The following C10orf88 variants were observed in gnomAD, a reference collection of about 807,000 sequenced individuals.
The protein encoded by C10orf88 is chromosome 10 open reading frame 88, also known as ATPase PAAT.
C10orf88 carries 29 observed loss-of-function variants against 34.2 expected under a neutral mutation model. The ratio of observed to expected loss-of-function variants is 0.85; its 90% CI spans 0.63 to 1.16. The LOEUF is 1.16. Among genes scored for constraint, C10orf88 ranks in the 50% most tolerant of loss-of-function variants. The probability of loss-of-function intolerance (pLI) is 0.00; values close to 1 mark genes in which losing one functional copy is unlikely to be tolerated. For missense variants in C10orf88, 507 were observed against 533.2 expected, an observed-to-expected ratio of 0.95 and a Z score of 0.48; for synonymous variants, 194 against 197.4, an observed-to-expected ratio of 0.98 and a Z score of 0.15.
At chr10:122,949,248 C>A (rs898308070) in intron 3 of C10orf88, among the ~76,000 whole-genome samples, 3 of 152,128 alleles carry the variant, frequency 2.0e-5, no homozygotes, top group African/African-American at 7.2e-5. Flanking sequence ...CCTATACATA[C>A]ATACCTATGA....
intron 4 of C10orf88, among the ~76,000 whole-genome samples, chr10:122,939,438 A>G (rs1271556282): frequency 6.6e-6 from 1 of 151,918 alleles, no homozygotes; most frequent in Non-Finnish European, 1.5e-5. Flanking sequence ...ATAAAGTGAG[A>G]AAGGAGAATA....
intron 3 of C10orf88, among the ~76,000 whole-genome samples, chr10:122,949,227 C>T (rs1213223572): frequency 6.6e-6 from 1 of 152,102 alleles, no homozygotes; most frequent in Non-Finnish European, 1.5e-5. Context: ...GTACCAACCC[C>T]TATATTTTTT....
chr10:122,932,250 T>C lies in C10orf88; in HGVS notation c.*177A>G, dbSNP rs1414466485. On this transcript the variant is annotated 3_prime_UTR_variant, in exon 6 of 6. Coordinates refer to ENST00000481909, the MANE Select transcript of C10orf88 (RefSeq NM_024942.4). Reference sequence around the variant, plus strand: ...ATTTGACTGTATCATATTAACTCAGTGTACAGTACTGGATTTAAAATAACA... The same window carrying C: ...ATTTGACTGTATCATATTAACTCAGCGTACAGTACTGGATTTAAAATAACA... The C allele has an allele frequency of 1.9e-6, 1 of 521,294 alleles. No homozygotes were observed. Among genetic ancestry groups the C allele is most frequent in the Admixed American group, 3.4e-5 (1 of 29,332 alleles). The allele number at this position is 521,294 out of a possible 1,614,324, so 32.3% of individuals were successfully genotyped here.
chr10:122,953,373 G>C (rs533786077), intron 1 of C10orf88, among the ~76,000 whole-genome samples: 1 of 152,136 alleles, frequency 6.6e-6, no homozygotes, highest in African/African-American at 2.4e-5. Flanking sequence ...CACCGTGCCC[G>C]GCCGGGGCTT....
intron 4 of C10orf88, among the ~76,000 whole-genome samples, chr10:122,940,509 A>T (rs1446145559): frequency 6.6e-6 from 1 of 152,080 alleles, no homozygotes; most frequent in African/African-American, 2.4e-5. Context: ...AGTTAACAAC[A>T]CCATATTGTA....
At chr10:122,948,891 T>G (rs747042759) in intron 3 of C10orf88, 36 bp from the exon 4 acceptor site, 28 of 1,541,900 alleles carry the variant, frequency 1.8e-5, no homozygotes, top group Non-Finnish European at 2.5e-5. Flanking sequence ...AAGAATGATA[T>G]TAAAAACAAT....
intron 4 of C10orf88, among the ~76,000 whole-genome samples, chr10:122,943,711 A>G (rs535783078): frequency 0.025 from 3,805 of 152,140 alleles, 158 homozygotes; most frequent in African/African-American, 0.087. Flanking sequence ...AAAAGTAGGC[A>G]AAGGACATGA....
At chr10:122,935,917 C>T (rs1420308730) in intron 5 of C10orf88, among the ~76,000 whole-genome samples, 1 of 151,298 alleles carries the variant, frequency 6.6e-6, no homozygotes, top group Non-Finnish European at 1.5e-5. Context: ...TATTTACATG[C>T]ATTTTTGTGT....
chr10:122,940,922 T>G (rs1848575274), intron 4 of C10orf88, among the ~76,000 whole-genome samples: 1 of 152,042 alleles, frequency 6.6e-6, no homozygotes, highest in African/African-American at 2.4e-5. Context: ...CAAAGATATG[T>G]GTATGTGTAT....
chr10:122,948,601 G>T, intron 4 of C10orf88, 48 bp downstream of exon 4: 1 of 1,553,160 alleles, frequency 6.4e-7, no homozygotes, highest in Non-Finnish European at 8.8e-7. Flanking sequence ...AAAAGCAATG[G>T]TTTTGAAATC....
At chr10:122,946,845 G>A (rs1384282602) in intron 4 of C10orf88, among the ~76,000 whole-genome samples, 1 of 152,104 alleles carries the variant, frequency 6.6e-6, no homozygotes, top group African/African-American at 2.4e-5. Context: ...AGTTATGAGT[G>A]CAAAGGTCTG....
At chr10:122,953,729 G>A (rs936042403) in intron 1 of C10orf88, among the ~76,000 whole-genome samples, 3 of 152,022 alleles carry the variant, frequency 2.0e-5, no homozygotes, top group African/African-American at 7.3e-5. Flanking sequence ...GACTGACTTT[G>A]ACAGCAGCCC....
chr10:122,939,693 A>G (rs1235594506), intron 4 of C10orf88, among the ~76,000 whole-genome samples: 3 of 151,980 alleles, frequency 2.0e-5, no homozygotes, highest in Non-Finnish European at 4.4e-5. Flanking sequence ...GCTCAAAGAA[A>G]GTTACTCAGT....
intron 4 of C10orf88, among the ~76,000 whole-genome samples, chr10:122,943,079 C>G (rs1299222626): frequency 6.6e-6 from 1 of 151,568 alleles, no homozygotes; most frequent in Non-Finnish European, 1.5e-5. Flanking sequence ...AATCCTAAGC[C>G]AAAAGAACAA....
chr10:122,940,199 TTGAA>T (rs1463161768), intron 4 of C10orf88, among the ~76,000 whole-genome samples: 1 of 152,000 alleles, frequency 6.6e-6, no homozygotes, highest in African/African-American at 2.4e-5. Flanking sequence ...TGAAATATCA[TTGAA>T]TGAATATCAT....
Position 122,932,584 on chromosome 10 carries a change from A to G in C10orf88, c.1181T>C (p.Met394Thr), listed in dbSNP as rs556731475. The change falls in exon 6 of 6, where the codon ATG becomes ACG. Residue 394 changes from methionine to threonine, a missense_variant. Coordinates refer to ENST00000481909, the MANE Select transcript of C10orf88 (RefSeq NM_024942.4). ...ATGTATTCGCTGATCAATGTAATCC[A>G]TAAGTTTCTTTTCCATCAGTTCCAT... is the stretch of plus-strand genomic sequence containing the variant. ...KNMELMEKKL[M>T]DYIDQRIHEL... 26 of 1,613,920 alleles carry G rather than the reference A, an allele frequency of 1.6e-5. No individual in the cohort carries two copies. In the South Asian group the frequency reaches 2.9e-4, roughly 18 times the overall value.
chr10:122,937,944 A>G lies in C10orf88; in HGVS notation c.864T>C (p.Ser288=), dbSNP rs777872107. The change falls in exon 5 of 6, where the codon TCT becomes TCC. Residue 288 remains serine (S), a synonymous_variant. Coordinates refer to ENST00000481909, the MANE Select transcript of C10orf88 (RefSeq NM_024942.4). ...KSTQLPGGEN[S]TKLDECKVMP... is the part of the protein sequence containing the mutation. Reference sequence around the variant, plus strand: ...TAACTTTACACTCATCAAGCTTGGTAGAATTCTCTCCACCAGGCAGTTGTG... The same window carrying G: ...TAACTTTACACTCATCAAGCTTGGTGGAATTCTCTCCACCAGGCAGTTGTG... The G allele has an allele frequency of 6.8e-5, 110 of 1,613,224 alleles. No homozygotes were observed. The highest frequency in any genetic ancestry group is 1.6e-4 in the Middle Eastern group (1 of 6,078).
At chr10:122,938,187 A>G (rs963166669) in intron 4 of C10orf88, 28 bp from the exon 5 acceptor site, 7 of 1,516,364 alleles carry the variant, frequency 4.6e-6, no homozygotes, top group Non-Finnish European at 6.2e-6. Flanking sequence ...GTAAATGTTA[A>G]TATTAATAAC....
chr10:122,936,884 T>A (rs888085188), intron 5 of C10orf88, among the ~76,000 whole-genome samples: 1 of 152,040 alleles, frequency 6.6e-6, no homozygotes, highest in African/African-American at 2.4e-5. Context: ...ATTTGCTTTG[T>A]GACTCAAGAT....
Sources: allele counts gnomAD v4.1 joint callset (sites outside exome capture counted in the v4.1 genomes callset), GRCh38; gene constraint gnomAD v4.1.1; transcripts MANE v1.5; gene names NCBI Gene and HGNC (gene_info 2026-07-23, HGNC 2026-07-21).